Variants in FOXP1 observed in about 807,000 individuals in gnomAD.
FOXP1 encodes the protein forkhead box protein P1.
Under a neutral mutation model 98.2 loss-of-function variants are expected in FOXP1, and 15 were observed. That is an observed-to-expected ratio of 0.15 (90% confidence interval 0.10 to 0.24). The LOEUF (loss-of-function observed/expected upper bound fraction) is 0.24, where lower values mean the gene tolerates loss of function less well. Ranked by LOEUF, FOXP1 falls within the 10% of genes least tolerant of loss-of-function variation. The pLI is 1.00. For missense variants in FOXP1, 633 were observed against 848.5 expected, an observed-to-expected ratio of 0.75 and a Z score of 3.15; for synonymous variants, 371 against 314.5, an observed-to-expected ratio of 1.18 and a Z score of -1.90.
chr3:71,174,811 CACACACACACACA>C (rs2061838787), intron 6 of FOXP1, among the ~76,000 whole-genome samples: 3 of 151,432 alleles, frequency 2.0e-5, no homozygotes, highest in African/African-American at 7.3e-5. Flanking sequence ...CACACACACA[CACACACACACACA>C]CACCCCAATA....
At chr3:71,163,827 G>A (rs2061266668) in intron 6 of FOXP1, among the ~76,000 whole-genome samples, 1 of 151,960 alleles carries the variant, frequency 6.6e-6, no homozygotes, top group Non-Finnish European at 1.5e-5. Context: ...GTTTAGAGCG[G>A]TAGAGTTTTC....
intron 5 of FOXP1, chr3:71,245,277 T>C (rs540873284): frequency 4.6e-5 from 7 of 152,256 alleles, no homozygotes; most frequent in Admixed American, 2.0e-4. Context: ...AACAATAACA[T>C]AGTTGCAATG....
chr3:71,348,549 GCGTGCGCGCGCGCACGCATATGCA>G (rs1406099365), intron 4 of FOXP1, among the ~76,000 whole-genome samples: 11 of 111,788 alleles, frequency 9.8e-5, no homozygotes, highest in African/African-American at 3.9e-4. Context: ...GTGTGTGTGT[GCGTGCGCGCGCGCACGCATATGCA>G]TGTGTGTATA....
At chr3:71,539,198 G>A (rs537037148) in intron 2 of FOXP1, among the ~76,000 whole-genome samples, 7 of 149,668 alleles carry the variant, frequency 4.7e-5, no homozygotes, top group South Asian at 2.1e-4. Flanking sequence ...TGCAAGCTCC[G>A]CCTCCCGGGT....
chr3:71,478,974 C>A (rs1228655065), intron 3 of FOXP1, among the ~76,000 whole-genome samples: 1 of 152,184 alleles, frequency 6.6e-6, no homozygotes, highest in Admixed American at 6.5e-5. Flanking sequence ...ATGAAGTACA[C>A]CATCCCCAGT....
chr3:71,267,295 C>G (rs541168414), intron 5 of FOXP1, among the ~76,000 whole-genome samples: 104 of 152,022 alleles, frequency 6.8e-4, no homozygotes, highest in Non-Finnish European at 1.2e-3. Context: ...TTTGAGTGGT[C>G]CTTTTTTCTT....
At chr3:71,326,787 C>T (rs2075717929) in intron 4 of FOXP1, among the ~76,000 whole-genome samples, 1 of 152,090 alleles carries the variant, frequency 6.6e-6, no homozygotes, top group Non-Finnish European at 1.5e-5. Flanking sequence ...GAAAGGGTGT[C>T]AGAGTTGGGA....
At chr3:71,311,377 A>AGT (rs1459385177) in intron 4 of FOXP1, among the ~76,000 whole-genome samples, 2 of 152,234 alleles carry the variant, frequency 1.3e-5, no homozygotes, top group Admixed American at 1.3e-4. Context: ...GGCATGAGCC[A>AGT]GTGTGCAGGC....
At chr3:71,204,048 C>T (rs545954405) in intron 5 of FOXP1, among the ~76,000 whole-genome samples, 1 of 152,046 alleles carries the variant, frequency 6.6e-6, no homozygotes, top group African/African-American at 2.4e-5. Flanking sequence ...GAACACATGC[C>T]TCTTACTTTA....
chr3:71,024,703 C>T (rs1447272070), intron 11 of FOXP1, among the ~76,000 whole-genome samples: 3 of 152,190 alleles, frequency 2.0e-5, no homozygotes, highest in South Asian at 4.1e-4. Context: ...ATTGGAGTGA[C>T]TGTGAATTAG....
chr3:71,047,221 C>T, intron 9 of FOXP1, 126 bp from the exon 10 acceptor site: 1 of 1,114,600 alleles, frequency 9.0e-7, no homozygotes, highest in Middle Eastern at 2.0e-4. Flanking sequence ...GTGGAGGGCT[C>T]CGTGTCAAGG....
At chr3:71,188,888 T>C (rs2108324027) in intron 6 of FOXP1, among the ~76,000 whole-genome samples, 1 of 152,318 alleles carries the variant, frequency 6.6e-6, no homozygotes, top group Admixed American at 6.5e-5. Flanking sequence ...GATAAAATAG[T>C]TAATTCAAGG....
At chr3:71,434,230 T>C (rs1449056007) in intron 3 of FOXP1, among the ~76,000 whole-genome samples, 1 of 152,022 alleles carries the variant, frequency 6.6e-6, no homozygotes, top group African/African-American at 2.4e-5. Context: ...ACATGCCAAG[T>C]GAAAGATACA....
chr3:71,397,092 A>G (rs1424205011), intron 3 of FOXP1, among the ~76,000 whole-genome samples: 2 of 133,608 alleles, frequency 1.5e-5, no homozygotes, highest in South Asian at 2.2e-4. Context: ...ATGTGTATAT[A>G]TATATATACA....
chr3:71,393,124 T>C (rs1400067902), intron 3 of FOXP1, among the ~76,000 whole-genome samples: 1 of 152,126 alleles, frequency 6.6e-6, no homozygotes, highest in Non-Finnish European at 1.5e-5. Flanking sequence ...TTATAAAACA[T>C]AAAAGTAGGT....
intron 11 of FOXP1, among the ~76,000 whole-genome samples, chr3:71,019,367 T>C (rs2045043644): frequency 1.3e-5 from 2 of 152,144 alleles, no homozygotes; most frequent in Non-Finnish European, 2.9e-5. Context: ...GTGATGAAAA[T>C]AGATACATTT....
chr3:71,066,474 T>C (rs72947419), intron 7 of FOXP1, among the ~76,000 whole-genome samples: 4,590 of 152,252 alleles, frequency 0.03, 258 homozygotes, highest in African/African-American at 0.1. Context: ...CCAAGGGCTC[T>C]TTTGCGAGGT....
chr3:71,177,894 G>A (rs1055458982), intron 6 of FOXP1, among the ~76,000 whole-genome samples: 2 of 146,548 alleles, frequency 1.4e-5, no homozygotes, highest in Admixed American at 6.8e-5. Context: ...CAAGCTGGAG[G>A]GCAGTGGTGC....
intron 4 of FOXP1, among the ~76,000 whole-genome samples, chr3:71,344,337 G>A (rs956096490): frequency 1.3e-5 from 2 of 152,000 alleles, no homozygotes; most frequent in Non-Finnish European, 2.9e-5. Context: ...TTCTTCTGTC[G>A]TTTTGCAAAT....
Sources: gnomAD v4.1 joint callset for allele counts (sites outside exome capture counted in the v4.1 genomes callset) on GRCh38, gnomAD v4.1.1 for gene constraint, MANE v1.5 for transcripts, NCBI Gene and HGNC (gene_info 2026-07-23, HGNC 2026-07-21) for gene names.